TCF20: variants seen among roughly 807,000 people sequenced by gnomAD.
TCF20 encodes the protein SPRE-binding protein.
A neutral mutation model predicts 148.6 loss-of-function variants in TCF20; 3 were observed. The ratio of observed to expected loss-of-function variants is 0.02; its 90% CI spans 0.01 to 0.05. The LOEUF is 0.05. TCF20 is among the 10% of genes least tolerant of loss of function. The probability of loss-of-function intolerance (pLI) is 1.00; values close to 1 mark genes in which losing one functional copy is unlikely to be tolerated. For missense variants in TCF20, 2,350 were observed against 2,429.3 expected (o/e 0.97, Z 0.69); for synonymous variants, 1,049 against 909.5 (o/e 1.15, Z -2.76).
intron 1 of TCF20, among the ~76,000 whole-genome samples, chr22:42,233,162 T>TC (rs1338733702): frequency 6.6e-6 from 1 of 152,154 alleles, no homozygotes; most frequent in African/African-American, 2.4e-5. Flanking sequence ...CCTGAAGTCA[T>TC]CCACCTGCCT....
At position 42,209,892 on chromosome 22, in the gene TCF20, C is replaced by A; in HGVS notation, c.5414G>T (p.Gly1805Val). 1 of 1,614,160 alleles carries A rather than the reference C, an allele frequency of 6.2e-7. No homozygotes were observed. The highest frequency in any genetic ancestry group is 2.2e-5 in the East Asian group (1 of 44,882). ...AGTGGCTGCTTTTTTACAAGGGAGC[C>A]CCCTGGACAGGGACCGAGGGCCTCC... ...CGGGPRSLSRGLPCKKAATEG... is the reference protein window; with the variant it reads ...CGGGPRSLSRVLPCKKAATEG... Residue 1805 changes from glycine to valine, a missense_variant, in exon 2 of 6, where the codon GGG becomes GTG. Around this residue, in one of 7 missense-constraint regions of TCF20, gnomAD observed 374 missense variants for 398.3 expected, o/e 0.94. Coordinates refer to ENST00000677622, the MANE Select transcript of TCF20 (RefSeq NM_001378418.1).
intron 1 of TCF20, among the ~76,000 whole-genome samples, chr22:42,301,356 G>A (rs1177408658): frequency 6.6e-6 from 1 of 152,188 alleles, no homozygotes; most frequent in African/African-American, 2.4e-5. Context: ...GACAGACAAG[G>A]CGTGCACCTT....
chr22:42,257,519 G>A (rs1786376023), intron 1 of TCF20, among the ~76,000 whole-genome samples: 2 of 152,140 alleles, frequency 1.3e-5, no homozygotes, highest in Non-Finnish European at 2.9e-5. Flanking sequence ...GGGAAGGAGG[G>A]AGAAGTATTA....
At chr22:42,229,335 G>A (rs1356958273) in intron 1 of TCF20, among the ~76,000 whole-genome samples, 1 of 152,088 alleles carries the variant, frequency 6.6e-6, no homozygotes, top group Non-Finnish European at 1.5e-5. Flanking sequence ...GAAGGAGAGA[G>A]GTGATATTAG....
rs1228746285 is a variant in TCF20, at chr22:42,226,136, T to TGTGG, written c.-36-10796_-36-10795insCCAC. Among the ~76,000 whole-genome samples, 3 of 152,086 alleles carry TGTGG rather than the reference T, an allele frequency of 2.0e-5. No homozygotes were observed. The East Asian group carries it at 5.8e-4, about 29-fold the overall frequency. On this transcript the variant is annotated intron_variant, in intron 1 of 5. Transcript: ENST00000677622. ...TTTCACAGGGGCATCCCAAGATCAC[T>TGTGG]TCAGATGACCACATATGTGAGCAGG... is the stretch of plus-strand genomic sequence containing the variant.
chr22:42,322,558 G>A (rs1259084533), intron 1 of TCF20, among the ~76,000 whole-genome samples: 4 of 151,988 alleles, frequency 2.6e-5, no homozygotes, highest in East Asian at 3.9e-4. Context: ...AAGGACGTTC[G>A]TTCATTCACT....
chr22:42,205,525 T>C (rs1376937790), intron 2 of TCF20, among the ~76,000 whole-genome samples: 1 of 152,240 alleles, frequency 6.6e-6, no homozygotes, highest in Non-Finnish European at 1.5e-5. Context: ...ATTAAGGGCA[T>C]GCTCATTAAG....
At chr22:42,203,504 C>T (rs1227037568) in intron 2 of TCF20, among the ~76,000 whole-genome samples, 1 of 152,152 alleles carries the variant, frequency 6.6e-6, no homozygotes. Context: ...GAAAATTTCA[C>T]TTGATTCCTT....
At chr22:42,295,681 C>G (rs1927223155) in intron 1 of TCF20, among the ~76,000 whole-genome samples, 1 of 152,082 alleles carries the variant, frequency 6.6e-6, no homozygotes, top group African/African-American at 2.4e-5. Flanking sequence ...CTCAAGTGAT[C>G]CACCCACCTC....
At chr22:42,319,132 A>T (rs959370160) in intron 1 of TCF20, among the ~76,000 whole-genome samples, 4 of 152,146 alleles carry the variant, frequency 2.6e-5, no homozygotes, top group Admixed American at 6.5e-5. Flanking sequence ...GACACTAAGG[A>T]GGTATGTGAC....
chr22:42,250,446 CAA>C (rs35668152), intron 1 of TCF20, among the ~76,000 whole-genome samples: 4,041 of 76,178 alleles, frequency 0.053, 174 homozygotes, highest in African/African-American at 0.18. Flanking sequence ...AACTCCATCT[CAA>C]AAAAAAAAAA....
upstream of TCF20, among the ~76,000 whole-genome samples, chr22:42,273,232 C>T (rs1304634579): frequency 3.3e-5 from 5 of 151,580 alleles, no homozygotes; most frequent in African/African-American, 7.3e-5. Flanking sequence ...TGGTGGCGGG[C>T]GCCTGTAATC....
chr22:42,176,809 T>C (rs955090479), intron 3 of TCF20, among the ~76,000 whole-genome samples: 1 of 151,906 alleles, frequency 6.6e-6, no homozygotes, highest in African/African-American at 2.4e-5. Context: ...TACGGAAGTA[T>C]TAAAAAGTAG....
chr22:42,230,535 A>G (rs1294149022), intron 1 of TCF20, among the ~76,000 whole-genome samples: 21 of 152,118 alleles, frequency 1.4e-4, no homozygotes, highest in Non-Finnish European at 7.3e-5. Context: ...AGTCCTAGCT[A>G]CTCAGGAGGC....
At chr22:42,166,168 G>A (rs1170312769) in intron 5 of TCF20, among the ~76,000 whole-genome samples, 1 of 152,222 alleles carries the variant, frequency 6.6e-6, no homozygotes, top group Non-Finnish European at 1.5e-5. Flanking sequence ...ATTTCAGATG[G>A]ACAGGACTGG....
intron 1 of TCF20, among the ~76,000 whole-genome samples, chr22:42,342,645 C>A (rs1204236220): frequency 6.6e-6 from 1 of 152,190 alleles, no homozygotes; most frequent in Non-Finnish European, 1.5e-5. Context: ...CTGGACAGAG[C>A]CCTCGGGTCA....
rs1398759499 is a variant in TCF20, at chr22:42,270,422, C to CGGGGTG, written c.-126_-121dup. ...GGTGGCGACGGCGGGCGGCGCTGCG[C>CGGGGTG]GGGGTGGGGGTGGGGGTGGCTCCGC... On this transcript the variant is annotated 5_prime_UTR_variant, in exon 1 of 6. Coordinates refer to ENST00000677622, the MANE Select transcript of TCF20 (RefSeq NM_001378418.1). Among the ~76,000 whole-genome samples the CGGGGTG allele has an allele frequency of 2.0e-4, 28 of 140,566 alleles. No homozygotes were observed. Among genetic ancestry groups the CGGGGTG allele is most frequent in the African/African-American group, 6.1e-4 (24 of 39,082 alleles). The allele number at this position is 140,566 out of a possible 152,430, so 92.2% of individuals were successfully genotyped here.
At chr22:42,244,344 A>G (rs1444085368) in intron 1 of TCF20, among the ~76,000 whole-genome samples, 1 of 152,238 alleles carries the variant, frequency 6.6e-6, no homozygotes, top group Non-Finnish European at 1.5e-5. Flanking sequence ...ACATGTTCAT[A>G]GCAGCACTAT....
intron 2 of TCF20, among the ~76,000 whole-genome samples, chr22:42,186,009 C>A (rs575988169): frequency 6.6e-6 from 1 of 152,336 alleles, no homozygotes; most frequent in East Asian, 1.9e-4. Context: ...TTAGAATCTG[C>A]ACTTATGTCC....
Sources: allele counts gnomAD v4.1 joint callset (sites outside exome capture counted in the v4.1 genomes callset), GRCh38; gene constraint gnomAD v4.1.1; regional missense constraint gnomAD v4.1.1; transcripts MANE v1.5; gene names NCBI Gene and HGNC (gene_info 2026-07-23, HGNC 2026-07-21).